ADAMTS17: variants seen among roughly 807,000 people sequenced by gnomAD.
ADAMTS17 encodes A disintegrin and metalloproteinase with thrombospondin motifs 17.
In ADAMTS17, 113 loss-of-function variants were observed where a neutral mutation model predicts 141.5. The ratio of observed to expected loss-of-function variants is 0.80; its 90% CI spans 0.69 to 0.93. The LOEUF is 0.93. Among genes scored for constraint, ADAMTS17 ranks in the 40% least tolerant of loss-of-function variants. The pLI is 0.00. For synonymous variants in ADAMTS17, 768 were observed against 630.6 expected (o/e 1.22, Z -3.27); for missense variants, 1,659 against 1,517.9 (o/e 1.09, Z -1.54).
intron 4 of ADAMTS17, among the ~76,000 whole-genome samples, chr15:100,278,910 G>C (rs565001860): frequency 2.6e-5 from 4 of 152,228 alleles, no homozygotes; most frequent in African/African-American, 7.2e-5. Flanking sequence ...CTGCTCTCGG[G>C]CCTCCTTCAG....
At chr15:100,087,581 A>C (rs1483369010) in intron 15 of ADAMTS17, among the ~76,000 whole-genome samples, 1 of 152,210 alleles carries the variant, frequency 6.6e-6, no homozygotes, top group African/African-American at 2.4e-5. Context: ...TTGAAGCAAA[A>C]ATCCTCATTA....
intron 10 of ADAMTS17, among the ~76,000 whole-genome samples, chr15:100,150,261 C>T (rs1004866532): frequency 6.6e-6 from 1 of 152,096 alleles, no homozygotes; most frequent in African/African-American, 2.4e-5. Flanking sequence ...AACTGAATTC[C>T]TCTCATGAAA....
chr15:100,341,900 G>C lies in ADAMTS17; in HGVS notation c.-1C>G. The C allele has an allele frequency of 1.3e-6, 2 of 1,548,422 alleles. No individual in the cohort carries two copies. The highest frequency in any genetic ancestry group is 1.7e-6 in the Non-Finnish European group (2 of 1,146,870). On this transcript the variant is annotated 5_prime_UTR_variant, in exon 1 of 22. Coordinates refer to ENST00000268070, the MANE Select transcript of ADAMTS17 (RefSeq NM_139057.4). Reference sequence around the variant, plus strand: ...GAGGCAGCAGGGCGCCGTCACACATGGTACCCGGGACCGGCAGCCCCCCCG... The same window carrying C: ...GAGGCAGCAGGGCGCCGTCACACATCGTACCCGGGACCGGCAGCCCCCCCG...
intron 3 of ADAMTS17, among the ~76,000 whole-genome samples, chr15:100,328,745 T>C (rs1047121503): frequency 2.6e-5 from 4 of 152,166 alleles, no homozygotes; most frequent in African/African-American, 9.7e-5. Context: ...TCAGTGATCC[T>C]CAGTATCACA....
At position 99,997,451 on chromosome 15, in the gene ADAMTS17, C is replaced by T. The variant is rs138772164; in HGVS notation, c.2730G>A (p.Pro910=). The part of the protein sequence containing the change: ...TRPLYCPGPR[P]AAVQSCEGQD... ...GGCCTTCACAGCTCTGCACTGCCGC[C>T]GGCCGGGGGCCCGGGCAGTAGAGGG... The change falls in exon 19 of 22, where the codon CCG becomes CCA. Residue 910 remains proline (P), a synonymous_variant. Transcript: ENST00000268070. This position sits in a 1 kb window ranked among gnomAD's most constrained non-coding sequence, Gnocchi z 4.7. 1.4e-4 allele frequency: 218 copies of T among 1,613,584 alleles called. No homozygotes were observed. In the African/African-American group the frequency reaches 2.3e-3, roughly 17 times the overall value.
At chr15:100,096,277 A>C in intron 15 of ADAMTS17, 79 bp downstream of exon 15, 1 of 1,600,890 alleles carries the variant, frequency 6.2e-7, no homozygotes, top group Middle Eastern at 2.1e-4. Flanking sequence ...TATGAAATGT[A>C]GGGAAGACTG....
chr15:100,015,423 CTTTTT>C (rs2061269794), intron 18 of ADAMTS17, among the ~76,000 whole-genome samples: 1 of 151,450 alleles, frequency 6.6e-6, no homozygotes, highest in African/African-American at 2.4e-5. Flanking sequence ...TTTTGTTTTT[CTTTTT>C]GTTTTTTAAC....
At chr15:100,149,654 G>T (rs1159044591) in intron 10 of ADAMTS17, among the ~76,000 whole-genome samples, 1 of 152,154 alleles carries the variant, frequency 6.6e-6, no homozygotes, top group Non-Finnish European at 1.5e-5. Context: ...AGCTTCGACT[G>T]TGTGGTCCAA....
At chr15:100,110,207 G>GTA (rs1370678338) in intron 13 of ADAMTS17, among the ~76,000 whole-genome samples, 1 of 141,308 alleles carries the variant, frequency 7.1e-6, no homozygotes, top group African/African-American at 2.6e-5. Context: ...ATATATATCA[G>GTA]TATATATATA....
chr15:100,259,931 G>A (rs1596382375), intron 6 of ADAMTS17, among the ~76,000 whole-genome samples: 1 of 152,270 alleles, frequency 6.6e-6, no homozygotes, highest in South Asian at 2.1e-4. Flanking sequence ...TGTAACCTCT[G>A]CCTCCCCGGT....
intron 18 of ADAMTS17, among the ~76,000 whole-genome samples, chr15:100,040,875 G>A (rs771438975): frequency 1.3e-5 from 2 of 152,116 alleles, no homozygotes; most frequent in African/African-American, 4.8e-5. Flanking sequence ...CATCAACAAG[G>A]CATGTAATAC....
At chr15:99,986,821 A>G (rs530381991) in intron 20 of ADAMTS17, among the ~76,000 whole-genome samples, 2 of 152,286 alleles carry the variant, frequency 1.3e-5, no homozygotes, top group African/African-American at 4.8e-5. Context: ...TAGACCCGGC[A>G]TTCAGTGGGT....
rs73479377 is a variant in ADAMTS17, at chr15:100,224,475, A to G, written c.1076-25052T>C. On this transcript the variant is annotated intron_variant, in intron 7 of 21. Transcript: ENST00000268070. ...GATACAGACAAGGTTACTACATCAT[A>G]AATTACTCAGTCATCACAAGATTTC... Among the ~76,000 whole-genome samples the G allele has an allele frequency of 9.6e-3, 1,470 of 152,358 alleles. 22 individuals are homozygous for G. Among genetic ancestry groups the G allele is most frequent in the African/African-American group, 0.032 (1,346 of 41,572 alleles).
At chr15:100,079,489 A>G (rs2034592507) in intron 15 of ADAMTS17, among the ~76,000 whole-genome samples, 1 of 152,214 alleles carries the variant, frequency 6.6e-6, no homozygotes, top group African/African-American at 2.4e-5. Context: ...ATGTCCAGAT[A>G]GGCAAATTTG....
rs77095444 is a variant in ADAMTS17 at position 100,062,265 on chromosome 15, C to T, written c.2138-8211G>A. 1.8e-4 allele frequency among the ~76,000 whole-genome samples: 27 copies of T among 152,246 alleles called. No individual in the cohort carries two copies. In the East Asian group the frequency reaches 2.1e-3, roughly 12 times the overall value. ...CTTACCCTGGCAGCAGAAGCACGAGCGGCCGTCACAGCCTCAAGGAGGCAG... is the reference window on the plus strand; with the variant it reads ...CTTACCCTGGCAGCAGAAGCACGAGTGGCCGTCACAGCCTCAAGGAGGCAG... On this transcript the variant is annotated intron_variant, in intron 15 of 21. Coordinates refer to ENST00000268070, the MANE Select transcript of ADAMTS17 (RefSeq NM_139057.4).
chr15:100,002,054 A>T (rs2141365961), intron 18 of ADAMTS17, among the ~76,000 whole-genome samples: 1 of 151,516 alleles, frequency 6.6e-6, no homozygotes, highest in Admixed American at 6.6e-5. Context: ...TCTTTTCTAA[A>T]ATAGAGACTC....
In ADAMTS17 at chr15:100,162,736, T is replaced by TGCACATATACACATTATATATAG. The variant is rs1567285232; in HGVS notation, c.1182-7439_1182-7417dup. 1.6e-4 allele frequency among the ~76,000 whole-genome samples: 21 copies of TGCACATATACACATTATATATAG among 130,552 alleles called. 1 individual carries two copies. Among genetic ancestry groups the TGCACATATACACATTATATATAG allele is most frequent in the East Asian group, 1.4e-3 (6 of 4,322 alleles). The allele number at this position is 130,552 out of a possible 152,430, so 85.6% of individuals were successfully genotyped here. A position where few individuals can be genotyped will look rare whatever the true frequency, so the allele number is the denominator to read the frequency against. On this transcript the variant is annotated intron_variant, in intron 8 of 21. Coordinates refer to ENST00000268070, the MANE Select transcript of ADAMTS17 (RefSeq NM_139057.4). ...TATACACATTATATGTGTATATATA[T>TGCACATATACACATTATATATAG]GCACATATACACATTATATATAGGC...
chr15:99,972,813 T>TG lies in ADAMTS17; in HGVS notation c.*1588dup, dbSNP rs1316827444. ...CAAAAACACAGCTCGTAAGACAGGG[T>TG]GGAGAAGGCAGAGAGGCTTCTTTCT... is the stretch of plus-strand genomic sequence containing the variant. On this transcript the variant is annotated 3_prime_UTR_variant, in exon 22 of 22. Transcript: ENST00000268070. 1 of 152,050 alleles carries TG rather than the reference T, an allele frequency of 6.6e-6. No individual in the cohort carries two copies. Among genetic ancestry groups the TG allele is most frequent in the Non-Finnish European group, 1.5e-5 (1 of 67,994 alleles). 9.4% of individuals were successfully genotyped at this position (152,050 alleles called of 1,614,324 possible). A position where few individuals can be genotyped will look rare whatever the true frequency, so the allele number is the denominator to read the frequency against.
At chr15:100,255,622 A>ACACACACACACACACACACACACACC (rs2043301613) in intron 6 of ADAMTS17, among the ~76,000 whole-genome samples, 1 of 151,616 alleles carries the variant, frequency 6.6e-6, no homozygotes, top group African/African-American at 2.4e-5. Flanking sequence ...TGAGCAACAC[A>ACACACACACACACACACACACACACC]CACACACACA....
Sources: gnomAD v4.1 joint callset for allele counts (sites outside exome capture counted in the v4.1 genomes callset) on GRCh38, gnomAD v4.1.1 for gene constraint, Gnocchi (gnomAD v3.1) non-coding constraint, MANE v1.5 for transcripts, NCBI Gene and HGNC (gene_info 2026-07-23, HGNC 2026-07-21) for gene names.